The following KCNJ6 variants were observed in gnomAD, a reference collection of about 807,000 sequenced individuals.
The protein encoded by KCNJ6 is G protein-activated inward rectifier potassium channel 2.
In KCNJ6, 9 loss-of-function variants were observed where a neutral mutation model predicts 34.2. The observed-to-expected ratio is 0.26, with a 90% CI of 0.16 to 0.46. The LOEUF (loss-of-function observed/expected upper bound fraction) is 0.46. Ranked by LOEUF, KCNJ6 falls within the 20% of genes least tolerant of loss-of-function variation. The pLI is 1.00. For missense variants in KCNJ6, 236 were observed against 531.3 expected (o/e 0.44, Z 5.46); for synonymous variants, 196 against 207.1 (o/e 0.95, Z 0.46).
At chr21:37,875,461 G>A (rs2055673396) in intron 1 of KCNJ6, among the ~76,000 whole-genome samples, 1 of 152,162 alleles carries the variant, frequency 6.6e-6, no homozygotes, top group African/African-American at 2.4e-5. Context: ...TGGGGACAGA[G>A]TGAGCAGCCA....
intron 1 of KCNJ6, among the ~76,000 whole-genome samples, chr21:37,900,565 G>A (rs996688463): frequency 6.6e-6 from 1 of 152,174 alleles, no homozygotes; most frequent in African/African-American, 2.4e-5. Flanking sequence ...AAGTTTAATC[G>A]GGAAGGAGGA....
At chr21:37,666,950 C>T (rs1176965081) in intron 3 of KCNJ6, among the ~76,000 whole-genome samples, 1 of 150,794 alleles carries the variant, frequency 6.6e-6, no homozygotes, top group Non-Finnish European at 1.5e-5. Context: ...TGCTTGAAGG[C>T]AGCATACTCG....
intron 2 of KCNJ6, among the ~76,000 whole-genome samples, chr21:37,797,015 G>C (rs1219496902): frequency 6.6e-6 from 1 of 151,490 alleles, no homozygotes; most frequent in African/African-American, 2.4e-5. Context: ...GGATGGTCTC[G>C]ATCTCCTGAC....
intron 3 of KCNJ6, among the ~76,000 whole-genome samples, chr21:37,656,057 A>G (rs2054462465): frequency 6.6e-6 from 1 of 152,180 alleles, no homozygotes; most frequent in African/African-American, 2.4e-5. Flanking sequence ...TGGTGCTGCC[A>G]GACGTGGCAT....
chr21:37,634,036 T>C (rs1388086242), intron 3 of KCNJ6, among the ~76,000 whole-genome samples: 1 of 152,202 alleles, frequency 6.6e-6, no homozygotes, highest in Non-Finnish European at 1.5e-5. Context: ...CTCACTCTAT[T>C]AGATCACAGG....
chr21:37,800,600 C>T (rs1289438992), intron 2 of KCNJ6, among the ~76,000 whole-genome samples: 2 of 152,156 alleles, frequency 1.3e-5, no homozygotes, highest in East Asian at 3.8e-4. Flanking sequence ...AGCTTATCAG[C>T]AAGACCATAA....
intron 3 of KCNJ6, among the ~76,000 whole-genome samples, chr21:37,683,172 AG>A (rs2054597809): frequency 6.6e-6 from 1 of 152,190 alleles, no homozygotes; most frequent in South Asian, 2.1e-4. Context: ...TCCCAGAGGG[AG>A]GAAATTGGCT....
intron 3 of KCNJ6, among the ~76,000 whole-genome samples, chr21:37,677,676 A>C (rs930296098): frequency 6.6e-6 from 1 of 150,708 alleles, no homozygotes; most frequent in African/African-American, 2.4e-5. Flanking sequence ...CCAAGAGATC[A>C]GAAACTGTTT....
intron 3 of KCNJ6, among the ~76,000 whole-genome samples, chr21:37,687,160 C>A (rs1038934739): frequency 6.6e-6 from 1 of 151,954 alleles, no homozygotes; most frequent in Non-Finnish European, 1.5e-5. Flanking sequence ...GCATGACAGG[C>A]GCCTCTTAAC....
intron 3 of KCNJ6, among the ~76,000 whole-genome samples, chr21:37,707,612 A>G (rs2054726788): frequency 1.2e-5 from 1 of 82,584 alleles, no homozygotes; most frequent in Non-Finnish European, 2.9e-5. Flanking sequence ...CTTACTAAGT[A>G]ATTAATATAA....
intron 1 of KCNJ6, among the ~76,000 whole-genome samples, chr21:37,858,481 G>A (rs1485078176): frequency 1.3e-5 from 2 of 150,410 alleles, no homozygotes; most frequent in African/African-American, 4.9e-5. Context: ...GAGGGGAAAA[G>A]GGGATTCATG....
chr21:37,614,697 GGT>G lies in KCNJ6; in HGVS notation c.*10460_*10461del, dbSNP rs943018513. ...GTATGCGTGTGTGTATGCATGTCTTGGTGTGTGTATGCATGTGCATGTATGCG... is the reference window on the plus strand; with the variant it reads ...GTATGCGTGTGTGTATGCATGTCTTGGTGTGTATGCATGTGCATGTATGCG... On this transcript the variant is annotated 3_prime_UTR_variant, in exon 4 of 4. Coordinates refer to ENST00000609713, the MANE Select transcript of KCNJ6 (RefSeq NM_002240.5). 1.4e-4 allele frequency: 18 copies of G among 127,430 alleles called. No individual in the cohort carries two copies. Among genetic ancestry groups the G allele is most frequent in the African/African-American group, 5.2e-4 (18 of 34,850 alleles). The allele number at this position is 127,430 out of a possible 1,614,324, so 7.9% of individuals were successfully genotyped here. A position where few individuals can be genotyped will look rare whatever the true frequency, so the allele number is the denominator to read the frequency against.
intron 3 of KCNJ6, among the ~76,000 whole-genome samples, chr21:37,634,780 A>G (rs1180212238): frequency 2.0e-5 from 3 of 149,236 alleles, no homozygotes; most frequent in Non-Finnish European, 4.4e-5. Flanking sequence ...TTTTTTTCAG[A>G]CAGAGTCTCA....
intron 3 of KCNJ6, among the ~76,000 whole-genome samples, chr21:37,672,385 C>T (rs139142534): frequency 2.2e-4 from 34 of 151,874 alleles, no homozygotes; most frequent in African/African-American, 7.7e-4. Flanking sequence ...CTAAGGATGA[C>T]GGTGATGCAG....
intron 3 of KCNJ6, among the ~76,000 whole-genome samples, chr21:37,642,218 C>T (rs1327020763): frequency 3.3e-5 from 5 of 151,778 alleles, no homozygotes; most frequent in African/African-American, 7.3e-5. Flanking sequence ...TGGGAGGGGG[C>T]GAGATTGCCT....
intron 1 of KCNJ6, among the ~76,000 whole-genome samples, chr21:37,876,257 G>A (rs1397096738): frequency 6.6e-6 from 1 of 152,112 alleles, no homozygotes. Flanking sequence ...GACACTTTGG[G>A]ACAGACACCC....
Position 37,806,513 on chromosome 21 carries a change from T to C in KCNJ6, c.25+34145A>G, listed in dbSNP as rs969917745. Among the ~76,000 whole-genome samples the C allele has an allele frequency of 6.6e-5, 10 of 152,224 alleles. No homozygotes were observed. In the East Asian group the frequency reaches 1.7e-3, roughly 26 times the overall value. ...GAATTCCCCCCTCCCCGGGTCTTTATGATTGTAAGGTCTTCCTCCCCTTGA... is the reference window on the plus strand; with the variant it reads ...GAATTCCCCCCTCCCCGGGTCTTTACGATTGTAAGGTCTTCCTCCCCTTGA... On this transcript the variant is annotated intron_variant, in intron 2 of 3. Transcript: ENST00000609713.
At chr21:37,717,410 T>TGC (rs1374916616) in intron 2 of KCNJ6, among the ~76,000 whole-genome samples, 50 of 150,706 alleles carry the variant, frequency 3.3e-4, no homozygotes, top group African/African-American at 9.7e-4. Context: ...GGCCATGTCC[T>TGC]TCTCACTGGA....
Position 37,870,157 on chromosome 21 carries a change from C to T in KCNJ6, c.-27-29448G>A, listed in dbSNP as rs1405076377. Among the ~76,000 whole-genome samples, 7 of 152,292 alleles carry T rather than the reference C, an allele frequency of 4.6e-5. No individual in the cohort carries two copies. In the South Asian group the frequency reaches 1.5e-3, roughly 32 times the overall value. On this transcript the variant is annotated intron_variant, in intron 1 of 3. Coordinates refer to ENST00000609713, the MANE Select transcript of KCNJ6 (RefSeq NM_002240.5). ...ATGATACATTTTCCCTTTTCTGATG[C>T]TCATGTATGTTGCAATGACCAGGAA...
Sources: allele counts gnomAD v4.1 joint callset (sites outside exome capture counted in the v4.1 genomes callset), GRCh38; gene constraint gnomAD v4.1.1; transcripts MANE v1.5; gene names NCBI Gene and HGNC (gene_info 2026-07-23, HGNC 2026-07-21).